The following IDUA variants were observed in gnomAD, a reference collection of about 807,000 sequenced individuals.
The protein encoded by IDUA is iduronidase alpha-L-.
A neutral mutation model predicts 68.9 loss-of-function variants in IDUA; 65 were observed. The ratio of observed to expected loss-of-function variants is 0.94; its 90% confidence interval spans 0.77 to 1.16. The LOEUF (loss-of-function observed/expected upper bound fraction) is 1.16, where lower values mean the gene tolerates loss of function less well. IDUA is among the 50% of genes most tolerant of loss of function. The pLI is 0.00. For missense variants in IDUA, 1,046 were observed against 938.0 expected, an observed-to-expected ratio of 1.12 and a Z score of -1.50; for synonymous variants, 529 against 433.6, an observed-to-expected ratio of 1.22 and a Z score of -2.73.
At chr4:989,017 C>T (rs1713979060) in intron 2 of IDUA, 2 of 1,586,706 alleles carry the variant, frequency 1.3e-6, no homozygotes, top group East Asian at 2.3e-5. Context: ...CAGGCTGATG[C>T]CCAGGGCCCC....
chr4:991,621 C>T lies in IDUA; in HGVS notation c.299+3672C>T, dbSNP rs749486405. The T allele has an allele frequency of 3.5e-5, 56 of 1,585,538 alleles. No individual in the cohort carries two copies. The East Asian group carries it at 8.0e-4, about 23-fold the overall frequency. On this transcript the variant is annotated intron_variant, in intron 2 of 13. Transcript: ENST00000514224. Reference sequence around the variant, plus strand: ...CCACAGCCTGGCCTTCAGCATCTCACGCAGACCCCGGGGTGCTGGGCGCTG... The same window carrying T: ...CCACAGCCTGGCCTTCAGCATCTCATGCAGACCCCGGGGTGCTGGGCGCTG...
At position 1,002,751 on chromosome 4, in the gene IDUA, C is replaced by G. The variant is rs990733414; in HGVS notation, c.1209C>G (p.Ala403=). Residue 403 remains alanine, a synonymous_variant, in exon 9 of 14, where the codon GCC becomes GCG. Transcript: ENST00000514224. ...LALLDEEQLW[A]EVSQAGTVLD... is the part of the protein sequence containing the mutation. ...CCGCAGATGAGGAGCAGCTCTGGGCCGAAGTGTCGCAGGCCGGGACCGTCC... is the reference window on the plus strand; with the variant it reads ...CCGCAGATGAGGAGCAGCTCTGGGCGGAAGTGTCGCAGGCCGGGACCGTCC... 26 of 1,485,052 alleles carry G rather than the reference C, an allele frequency of 1.8e-5. No individual in the cohort carries two copies. The highest frequency in any genetic ancestry group is 2.6e-5 in the South Asian group (2 of 78,420). The allele number at this position is 1,485,052 out of a possible 1,614,324, so 92.0% of individuals were successfully genotyped here.
At chr4:1,001,417 C>G (rs756606042) in intron 4 of IDUA, 51 bp from the exon 5 acceptor site, 12 of 1,487,190 alleles carry the variant, frequency 8.1e-6, no homozygotes, top group Admixed American at 3.3e-5. Flanking sequence ...CCGTGGGAGT[C>G]ACTGAGGCGA....
Position 990,998 on chromosome 4 carries a change from A to G in IDUA, c.299+3049A>G, listed in dbSNP as rs181333801. The stretch of plus-strand genomic sequence containing the variant: ...CCCCGGCACGCCCCAGCTCTGCCCA[A>G]GCCTTGCTGTCTTGGGCCAGCACCT... On this transcript the variant is annotated intron_variant, in intron 2 of 13. Coordinates refer to ENST00000514224, the MANE Select transcript of IDUA (RefSeq NM_000203.5). 544 of 966,714 alleles carry G rather than the reference A, an allele frequency of 5.6e-4. 1 individual carries two copies. The African/African-American group carries it at 8.0e-3, about 14-fold the overall frequency. The allele number at this position is 966,714 out of a possible 1,614,324, so 59.9% of individuals were successfully genotyped here.
At chr4:991,037 T>A (rs1339458767) in intron 2 of IDUA, 1 of 1,308,020 alleles carries the variant, frequency 7.6e-7, no homozygotes, top group East Asian at 2.5e-5. Flanking sequence ...CTGCCAACCC[T>A]GTGCTTGCCC....
chr4:1,003,937 G>A (rs887545840), intron 12 of IDUA, 75 bp from the exon 13 acceptor site: 11 of 1,224,518 alleles, frequency 9.0e-6, no homozygotes, highest in African/African-American at 6.0e-5. Flanking sequence ...GTGGGTCCAC[G>A]CGGCCGTGCC....
chr4:989,493 C>A, intron 2 of IDUA: 1 of 1,554,258 alleles, frequency 6.4e-7, no homozygotes, highest in Non-Finnish European at 8.7e-7. Flanking sequence ...TGCTGACCAG[C>A]ATACAGGTGG....
chr4:987,680 A>G, intron 1 of IDUA, 129 bp from the exon 2 acceptor site: 1 of 1,504,018 alleles, frequency 6.6e-7, no homozygotes, highest in South Asian at 1.3e-5. Flanking sequence ...GGGTCATTTT[A>G]TTAGTCACTG....
chr4:991,463 T>C (rs1714321081), intron 2 of IDUA: 2 of 1,612,480 alleles, frequency 1.2e-6, no homozygotes, highest in African/African-American at 1.3e-5. Flanking sequence ...ACCAGGATGA[T>C]GCCGATGACC....
At position 1,001,760 on chromosome 4, in the gene IDUA, C is replaced by T; in HGVS notation, c.671C>T (p.Ser224Phe). 2 of 1,599,650 alleles carry T rather than the reference C, an allele frequency of 1.3e-6. No homozygotes were observed. The highest frequency in any genetic ancestry group is 1.7e-6 in the Non-Finnish European group (2 of 1,177,528). Residue 224 changes from serine to phenylalanine, a missense_variant, in exon 6 of 14, where the codon TCC (serine) becomes TTC (phenylalanine). Physicochemically the swap from Ser to Phe is radical, Grantham distance 155 (BLOSUM62 -2). Transcript: ENST00000514224. ...CTGCGGCTGGGAGGCCCCGGCGACT[C>T]CTTCCACACCCCACCGCGATCCCCG... Reference protein sequence around the residue: ...PALRLGGPGDSFHTPPRSPLS... With the variant: ...PALRLGGPGDFFHTPPRSPLS...
Position 1,002,811 on chromosome 4 carries a change from C to T in IDUA, c.1269C>T (p.Ser423=), listed in dbSNP as rs931627770. Residue 423 remains serine (S), a synonymous_variant, in exon 9 of 14, where the codon AGC becomes AGT. Transcript: ENST00000514224. ...ACCACACGGTGGGCGTCCTGGCCAG[C>T]GCCCACCGCCCCCAGGGCCCGGCCG... ...DSNHTVGVLA[S]AHRPQGPADA... is the part of the protein sequence containing the mutation. 9.6e-6 allele frequency: 14 copies of T among 1,458,258 alleles called. No individual in the cohort carries two copies. Among genetic ancestry groups the T allele is most frequent in the African/African-American group, 1.5e-5 (1 of 67,754 alleles). 90.3% of individuals were successfully genotyped at this position (1,458,258 alleles called of 1,614,324 possible). A position where few individuals can be genotyped will look rare whatever the true frequency, so the allele number is the denominator to read the frequency against.
intron 2 of IDUA, chr4:989,879 C>G: frequency 6.4e-7 from 1 of 1,571,440 alleles, no homozygotes; most frequent in African/African-American, 1.3e-5. Flanking sequence ...ATGGAGAAGG[C>G]GGCAGCCACG....
intron 2 of IDUA, among the ~76,000 whole-genome samples, chr4:998,281 C>T (rs2153020822): frequency 6.6e-6 from 1 of 152,290 alleles, no homozygotes; most frequent in Non-Finnish European, 1.5e-5. Context: ...CAAGGCTCTG[C>T]CTTGATCTTG....
At position 1,000,085 on chromosome 4, in the gene IDUA, GCCCC is replaced by G. The variant is rs1237705226; in HGVS notation, c.300-525_300-522del. The G allele has an allele frequency of 6.0e-5, 10 of 166,500 alleles. No homozygotes were observed. In the East Asian group the frequency reaches 1.6e-3, roughly 27 times the overall value. 10.3% of individuals were successfully genotyped at this position (166,500 alleles called of 1,614,324 possible). The stretch of plus-strand genomic sequence containing the variant: ...CATCGGCAAGTGCAGTGGCAGGGCG[GCCCC>G]CTTCACCCTTGACGACGCCTGTCCC... On this transcript the variant is annotated intron_variant, in intron 2 of 13. Coordinates refer to ENST00000514224, the MANE Select transcript of IDUA (RefSeq NM_000203.5).
intron 2 of IDUA, chr4:992,349 G>A: frequency 2.6e-6 from 1 of 377,968 alleles, no homozygotes; most frequent in East Asian, 7.4e-5. Flanking sequence ...CCTGCCCTGT[G>A]GGTCCTGGGG....
intron 1 of IDUA, 50 bp downstream of exon 1, chr4:987,292 G>T: frequency 1.3e-6 from 2 of 1,484,186 alleles, no homozygotes; most frequent in South Asian, 1.2e-5. Context: ...GGGAGAGCTC[G>T]GGCGCCCCCT....
At position 1,004,547 on chromosome 4, in the gene IDUA, G is replaced by C. The variant is rs1356794553; in HGVS notation, c.*154G>C. ...TCTTGGTACCAACGCCCCCTTTAAA[G>C]CGGCTTTGCACAGGTCAGTCTCGGG... is the stretch of plus-strand genomic sequence containing the variant. On this transcript the variant is annotated 3_prime_UTR_variant, in exon 14 of 14. Coordinates refer to ENST00000514224, the MANE Select transcript of IDUA (RefSeq NM_000203.5). This position sits in a 1 kb window ranked among gnomAD's most constrained non-coding sequence, Gnocchi z 5.0. 21 of 787,902 alleles carry C rather than the reference G, an allele frequency of 2.7e-5. No homozygotes were observed. Among genetic ancestry groups the C allele is most frequent in the Admixed American group, 8.2e-5 (3 of 36,448 alleles). The allele number at this position is 787,902 out of a possible 1,614,324, so 48.8% of individuals were successfully genotyped here. A position where few individuals can be genotyped will look rare whatever the true frequency, so the allele number is the denominator to read the frequency against.
chr4:1,003,989 T>C (rs1299410356), intron 12 of IDUA, 23 bp from the exon 13 acceptor site: 63 of 1,589,484 alleles, frequency 4.0e-5, no homozygotes, highest in Non-Finnish European at 5.3e-5. Flanking sequence ...ACCCCAGCCT[T>C]GTTCTTGGCC....
rs571074373 is a variant in IDUA, at chr4:999,085, G to A, written c.300-1527G>A. Among the ~76,000 whole-genome samples the A allele has an allele frequency of 1.4e-3, 208 of 152,068 alleles. 1 individual carries two copies. Among genetic ancestry groups the A allele is most frequent in the Admixed American group, 3.8e-3 (58 of 15,278 alleles). On this transcript the variant is annotated intron_variant, in intron 2 of 13. Transcript: ENST00000514224. ...CCGGGCGTGGTGGCGGGCGCCTGTAGTCCCAGCTACTCAGGAGGCTGAGGC... is the reference window on the plus strand; with the variant it reads ...CCGGGCGTGGTGGCGGGCGCCTGTAATCCCAGCTACTCAGGAGGCTGAGGC...
Sources: gnomAD v4.1 joint callset for allele counts (sites outside exome capture counted in the v4.1 genomes callset) on GRCh38, gnomAD v4.1.1 for gene constraint, Gnocchi (gnomAD v3.1) non-coding constraint, MANE v1.5 for transcripts, NCBI Gene and HGNC (gene_info 2026-07-23, HGNC 2026-07-21) for gene names.